The following SH3GL2 variants were observed in gnomAD, a reference collection of about 807,000 sequenced individuals.
SH3GL2 encodes SH3 domain containing GRB2 like 2, endophilin A1.
SH3GL2 carries 24 observed loss-of-function variants against 46.0 expected under a neutral mutation model. The observed-to-expected ratio is 0.52, with a 90% CI of 0.38 to 0.73. The LOEUF is 0.73. SH3GL2 is among the 30% of genes least tolerant of loss of function. The pLI, the probability that SH3GL2 is intolerant of heterozygous loss-of-function variation, is 0.00. For synonymous variants in SH3GL2, 196 were observed against 147.1 expected, an observed-to-expected ratio of 1.33 and a Z score of -2.40; for missense variants, 413 against 424.2, an observed-to-expected ratio of 0.97 and a Z score of 0.23.
Position 17,660,342 on chromosome 9 carries a change from T to C in SH3GL2, c.45+81055T>C, listed in dbSNP as rs1373361819. Among the ~76,000 whole-genome samples the C allele has an allele frequency of 2.6e-5, 4 of 152,178 alleles. No individual in the cohort carries two copies. The South Asian group carries it at 8.3e-4, about 31-fold the overall frequency. On this transcript the variant is annotated intron_variant, in intron 1 of 8. Transcript: ENST00000380607. The stretch of plus-strand genomic sequence containing the variant: ...CAAGCTGTGTGTCTGTGGACCTCTT[T>C]GGGTAGGATGTGTTCTCCAGTTTTC...
rs1297414262 is a variant in SH3GL2, at chr9:17,605,131, C to G, written c.45+25844C>G. 2.0e-5 allele frequency among the ~76,000 whole-genome samples: 3 copies of G among 152,092 alleles called. No individual in the cohort carries two copies. The East Asian group carries it at 5.8e-4, about 30-fold the overall frequency. ...GGGAATACAGGCATTCACCACCATG[C>G]CCAGCTAACTTTTTTAGAAAAATTT... is the stretch of plus-strand genomic sequence containing the variant. On this transcript the variant is annotated intron_variant, in intron 1 of 8. Coordinates refer to ENST00000380607, the MANE Select transcript of SH3GL2 (RefSeq NM_003026.5).
intron 1 of SH3GL2, among the ~76,000 whole-genome samples, chr9:17,692,477 C>T (rs1461028973): frequency 6.6e-6 from 1 of 151,990 alleles, no homozygotes; most frequent in Non-Finnish European, 1.5e-5. Context: ...AAAACCCCAT[C>T]TCTACTAAAA....
intron 7 of SH3GL2, among the ~76,000 whole-genome samples, chr9:17,792,511 G>C (rs936244080): frequency 6.6e-6 from 1 of 152,110 alleles, no homozygotes; most frequent in African/African-American, 2.4e-5. Context: ...ATATTTAGGG[G>C]TATGTAGAAG....
At chr9:17,595,882 G>T (rs1021394907) in intron 1 of SH3GL2, among the ~76,000 whole-genome samples, 1 of 152,190 alleles carries the variant, frequency 6.6e-6, no homozygotes, top group Non-Finnish European at 1.5e-5. Flanking sequence ...TATTGTTACA[G>T]TAAGATTATT....
chr9:17,584,277 G>A (rs1818330113), intron 1 of SH3GL2, among the ~76,000 whole-genome samples: 2 of 152,096 alleles, frequency 1.3e-5, no homozygotes, highest in Non-Finnish European at 2.9e-5. Context: ...AAGGCGGGCG[G>A]ATCACTTGAG....
intron 1 of SH3GL2, among the ~76,000 whole-genome samples, chr9:17,696,001 G>A (rs1821193754): frequency 6.6e-6 from 1 of 152,092 alleles, no homozygotes; most frequent in South Asian, 2.1e-4. Flanking sequence ...GATAGTTCTA[G>A]TTCAGGCTGT....
At chr9:17,628,263 C>G (rs1033434812) in intron 1 of SH3GL2, among the ~76,000 whole-genome samples, 1 of 152,108 alleles carries the variant, frequency 6.6e-6, no homozygotes, top group Non-Finnish European at 1.5e-5. Context: ...TCTCTGTACC[C>G]CCTCACTTCT....
intron 3 of SH3GL2, among the ~76,000 whole-genome samples, chr9:17,765,204 C>T (rs1823281363): frequency 8.3e-6 from 1 of 120,874 alleles, no homozygotes; most frequent in Admixed American, 8.4e-5. Flanking sequence ...TTTGGGAGTA[C>T]ATCTGTATTA....
chr9:17,737,856 GT>G (rs1191957873), intron 1 of SH3GL2, among the ~76,000 whole-genome samples: 4 of 151,980 alleles, frequency 2.6e-5, no homozygotes, highest in African/African-American at 4.8e-5. Context: ...TGTTTTGCTT[GT>G]TTGCTTTTTG....
chr9:17,614,566 A>G (rs1818943772), intron 1 of SH3GL2, among the ~76,000 whole-genome samples: 2 of 152,148 alleles, frequency 1.3e-5, no homozygotes, highest in South Asian at 2.1e-4. Context: ...CAGGCACCCA[A>G]CATTCTATGA....
chr9:17,661,007 C>G (rs573052664), intron 1 of SH3GL2, among the ~76,000 whole-genome samples: 2 of 152,046 alleles, frequency 1.3e-5, no homozygotes, highest in South Asian at 4.2e-4. Context: ...ACTAAAAATA[C>G]AAAAATTAGC....
At position 17,782,380 on chromosome 9, in the gene SH3GL2, A is replaced by G. The variant is rs540521644; in HGVS notation, c.188-4001A>G. 8.5e-4 allele frequency among the ~76,000 whole-genome samples: 129 copies of G among 152,268 alleles called. 1 individual carries two copies. The highest frequency in any genetic ancestry group is 2.7e-3 in the African/African-American group (112 of 41,562). On this transcript the variant is annotated intron_variant, in intron 3 of 8. Coordinates refer to ENST00000380607, the MANE Select transcript of SH3GL2 (RefSeq NM_003026.5). ...ACATAGAGCAGATTTTCATGGCATA[A>G]TTTAAGAAGGAAGTGCTTCCAAAGA...
intron 1 of SH3GL2, among the ~76,000 whole-genome samples, chr9:17,680,554 A>C (rs148658510): frequency 6.6e-6 from 1 of 151,558 alleles, no homozygotes; most frequent in African/African-American, 2.4e-5. Context: ...TGGTCTATCA[A>C]TTTTGTTGAT....
chr9:17,663,824 CCT>C (rs1218749233), intron 1 of SH3GL2, among the ~76,000 whole-genome samples: 3 of 152,162 alleles, frequency 2.0e-5, no homozygotes, highest in Non-Finnish European at 4.4e-5. Flanking sequence ...CAAAAATAAA[CCT>C]CTTTTCAGAT....
At chr9:17,667,022 A>T (rs991045827) in intron 1 of SH3GL2, among the ~76,000 whole-genome samples, 1 of 152,150 alleles carries the variant, frequency 6.6e-6, no homozygotes, top group Admixed American at 6.6e-5. Context: ...AAGAGTTTTC[A>T]TGTGATAAAT....
intron 1 of SH3GL2, among the ~76,000 whole-genome samples, chr9:17,667,983 C>T (rs1243805442): frequency 6.6e-6 from 1 of 152,102 alleles, no homozygotes. Context: ...AAATCCTTTG[C>T]CCATTTTAAA....
At chr9:17,681,351 T>C (rs1444302616) in intron 1 of SH3GL2, among the ~76,000 whole-genome samples, 1 of 152,310 alleles carries the variant, frequency 6.6e-6, no homozygotes, top group Admixed American at 6.5e-5. Flanking sequence ...TGTTCTCTTT[T>C]TCTTTGTTGT....
chr9:17,639,913 A>G (rs773094513), intron 1 of SH3GL2, among the ~76,000 whole-genome samples: 7 of 152,220 alleles, frequency 4.6e-5, no homozygotes, highest in Non-Finnish European at 1.0e-4. Flanking sequence ...CATTATATGA[A>G]AATTGAAAAT....
At position 17,648,017 on chromosome 9, in the gene SH3GL2, T is replaced by A. The variant is rs371994920; in HGVS notation, c.45+68730T>A. On this transcript the variant is annotated intron_variant, in intron 1 of 8. Coordinates refer to ENST00000380607, the MANE Select transcript of SH3GL2 (RefSeq NM_003026.5). ...AATGGACAGTAAATATATATTCTCT[T>A]CCTTGTGATTTATTAATATTTTCTT... is the stretch of plus-strand genomic sequence containing the variant. Among the ~76,000 whole-genome samples the A allele has an allele frequency of 6.7e-4, 102 of 152,256 alleles. 1 individual carries two copies. Among genetic ancestry groups the A allele is most frequent in the African/African-American group, 2.1e-3 (86 of 41,486 alleles).
Sources: allele counts gnomAD v4.1 joint callset (sites outside exome capture counted in the v4.1 genomes callset), GRCh38; gene constraint gnomAD v4.1.1; transcripts MANE v1.5; gene names NCBI Gene and HGNC (gene_info 2026-07-23, HGNC 2026-07-21).